The following ICAM4 variants were observed in gnomAD, a reference collection of about 807,000 sequenced individuals.
The protein encoded by ICAM4 is intercellular adhesion molecule 4.
In ICAM4, 16 loss-of-function variants were observed where a neutral mutation model predicts 18.8. The ratio of observed to expected loss-of-function variants is 0.85; its 90% CI spans 0.58 to 1.29. ICAM4 has a LOEUF of 1.29. ICAM4 is among the 50% of genes most tolerant of loss of function. The pLI is 0.00. For missense variants in ICAM4, 338 were observed against 364.3 expected (o/e 0.93, Z 0.59); for synonymous variants, 163 against 163.2 (o/e 1.00, Z 0.01).
At position 10,287,735 on chromosome 19, in the gene ICAM4, T is replaced by A; in HGVS notation, c.594T>A (p.Ala198=). Residue 198 remains alanine (A), a synonymous_variant, in exon 2 of 3, where the codon GCT becomes GCA. Transcript: ENST00000380770. The surrounding 1 kb of genome is among the most constrained non-coding windows in gnomAD (Gnocchi z 8.7). ...ACGTGACCTTGACCTACGAGTTTGC[T>A]GCTGGACCCCGCGACTTCTGGCAGC... ...LANVTLTYEF[A]AGPRDFWQPV... is the part of the protein sequence containing the mutation. 6.2e-7 allele frequency: 1 copy of A among 1,613,996 alleles called. No individual in the cohort carries two copies. The highest frequency in any genetic ancestry group is 8.5e-7 in the Non-Finnish European group (1 of 1,180,032).
rs755759895 is a variant in ICAM4, at chr19:10,287,566, C to G, written c.425C>G (p.Pro142Arg). The change falls in exon 2 of 3, where the codon CCG (proline) becomes CGG (arginine). Residue 142 changes from proline to arginine, a missense_variant. By Grantham distance (103) the Pro-to-Arg change is moderately radical (BLOSUM62 -2). Transcript: ENST00000380770. This position sits in a 1 kb window ranked among gnomAD's most constrained non-coding sequence, Gnocchi z 8.7. ...KPPHSVILEPPVLKGRKYTLR... is the reference protein window; with the variant it reads ...KPPHSVILEPRVLKGRKYTLR... ...CCCCACAGCGTGATTTTGGAGCCTCCGGTCTTAAAGGGCAGGAAATACACT... is the reference window on the plus strand; with the variant it reads ...CCCCACAGCGTGATTTTGGAGCCTCGGGTCTTAAAGGGCAGGAAATACACT... 3.2e-5 allele frequency: 51 copies of G among 1,613,634 alleles called. No homozygotes were observed. The highest frequency in any genetic ancestry group is 3.8e-5 in the Non-Finnish European group (45 of 1,179,774).
At position 10,288,416 on chromosome 19, in the gene ICAM4, C is replaced by A. The variant is rs2040140245; in HGVS notation, c.*312C>A. ...TGAGCCTTGATCGTGCCACTGCACT[C>A]CAGCCTGGGGGACAGAGCACGACCC... On this transcript the variant is annotated 3_prime_UTR_variant, in exon 3 of 3. Transcript: ENST00000380770. The A allele has an allele frequency of 1.9e-6, 1 of 536,788 alleles. No homozygotes were observed. The highest frequency in any genetic ancestry group is 3.1e-5 in the Admixed American group (1 of 31,938). 33.3% of individuals were successfully genotyped at this position (536,788 alleles called of 1,614,324 possible).
In ICAM4 at chr19:10,287,318, C is replaced by T; in HGVS notation, c.306C>T (p.Leu102=). ...RGPGWVSYQL[L]DVRAWSSLAH... ...CGGGTTGGGTGTCTTACCAGCTGCTCGACGTGAGGGCCTGGAGCTCCCTCG... is the reference window on the plus strand; with the variant it reads ...CGGGTTGGGTGTCTTACCAGCTGCTTGACGTGAGGGCCTGGAGCTCCCTCG... The change falls in exon 1 of 3, where the codon CTC becomes CTT. Residue 102 remains leucine, a synonymous_variant. Coordinates refer to ENST00000380770, the MANE Select transcript of ICAM4 (RefSeq NM_001544.5). This position sits in a 1 kb window ranked among gnomAD's most constrained non-coding sequence, Gnocchi z 8.7. 6.2e-7 allele frequency: 1 copy of T among 1,613,602 alleles called. No homozygotes were observed. The highest frequency in any genetic ancestry group is 8.5e-7 in the Non-Finnish European group (1 of 1,179,966).
In ICAM4 at chr19:10,288,108, G is replaced by C. The variant is rs758686500; in HGVS notation, c.*4G>C. On this transcript the variant is annotated 3_prime_UTR_variant, in exon 3 of 3. Coordinates refer to ENST00000380770, the MANE Select transcript of ICAM4 (RefSeq NM_001544.5). ...AGCTATGAAGTCCCAGGCGTAAAGG[G>C]GGATGTTCTATGCCGGCTGAGCGAG... 2 of 1,614,162 alleles carry C rather than the reference G, an allele frequency of 1.2e-6. No individual in the cohort carries two copies. Among genetic ancestry groups the C allele is most frequent in the East Asian group, 2.2e-5 (1 of 44,884 alleles).
In ICAM4 at chr19:10,287,484, G is replaced by T. The variant is rs951211455; in HGVS notation, c.395-52G>T. 2 of 1,593,802 alleles carry T rather than the reference G, an allele frequency of 1.3e-6. No homozygotes were observed. The highest frequency in any genetic ancestry group is 1.7e-6 in the Non-Finnish European group (2 of 1,168,516). ...GGTGGGGGAAGGGTAGTTGACAGTC[G>T]CTCTATAGGGAGCGCCCGCGGACCT... On this transcript the variant is annotated intron_variant, in intron 1 of 2. Coordinates refer to ENST00000380770, the MANE Select transcript of ICAM4 (RefSeq NM_001544.5). The surrounding 1 kb of genome is among the most constrained non-coding windows in gnomAD (Gnocchi z 8.7).
Position 10,287,224 on chromosome 19 carries a change from A to G in ICAM4, c.212A>G (p.Asn71Ser). ...AAGTCAGTGCAGCTCAATTGCAGCA[A>G]CAGCTGTCCCCAGCCGCAGAATTCC... The part of the protein sequence containing the change: ...PGKSVQLNCS[N>S]SCPQPQNSSL... Residue 71 changes from asparagine to serine, a missense_variant, in exon 1 of 3, where the codon AAC becomes AGC. Asn to Ser is a conservative substitution (Grantham distance 46, BLOSUM62 1). Transcript: ENST00000380770. The surrounding 1 kb of genome is among the most constrained non-coding windows in gnomAD (Gnocchi z 8.7). The G allele has an allele frequency of 1.2e-6, 2 of 1,613,254 alleles. No homozygotes were observed. The highest frequency in any genetic ancestry group is 1.7e-6 in the Non-Finnish European group (2 of 1,179,904).
chr19:10,287,032 T>A lies in ICAM4; in HGVS notation c.20T>A (p.Leu7Gln), dbSNP rs748835807. ...TTTGCCATGGGGTCTCTGTTCCCTC[T>A]GTCGCTGCTGTTTTTTTTGGCGGCC... MGSLFPLSLLFFLAAAY... is the reference protein window; with the variant it reads MGSLFPQSLLFFLAAAY... The change falls in exon 1 of 3, where the codon CTG becomes CAG. Residue 7 changes from leucine (L) to glutamine (Q), a missense_variant. Leu to Gln is a moderately radical substitution (Grantham distance 113, BLOSUM62 -2). Transcript: ENST00000380770. This position sits in a 1 kb window ranked among gnomAD's most constrained non-coding sequence, Gnocchi z 8.7. 1.3e-6 allele frequency: 2 copies of A among 1,553,968 alleles called. No individual in the cohort carries two copies. Among genetic ancestry groups the A allele is most frequent in the Non-Finnish European group, 1.7e-6 (2 of 1,149,922 alleles).
chr19:10,287,767 T>C lies in ICAM4; in HGVS notation c.626T>C (p.Ile209Thr). The C allele has an allele frequency of 1.2e-6, 2 of 1,613,782 alleles. No homozygotes were observed. The highest frequency in any genetic ancestry group is 1.7e-6 in the Non-Finnish European group (2 of 1,180,034). Residue 209 changes from isoleucine to threonine, a missense_variant, in exon 2 of 3, where the codon ATC (isoleucine) becomes ACC (threonine). Transcript: ENST00000380770. This position sits in a 1 kb window ranked among gnomAD's most constrained non-coding sequence, Gnocchi z 8.7. ...CCCCGCGACTTCTGGCAGCCCGTGA[T>C]CTGCCACGCGCGCCTCAATCTCGAC... Reference protein sequence around the residue: ...AGPRDFWQPVICHARLNLDGL... With the variant: ...AGPRDFWQPVTCHARLNLDGL...
In ICAM4 at chr19:10,287,430, G is replaced by A. The variant is rs145682448; in HGVS notation, c.394+24G>A. On this transcript the variant is annotated intron_variant, in intron 1 of 2. Transcript: ENST00000380770. The surrounding 1 kb of genome is among the most constrained non-coding windows in gnomAD (Gnocchi z 8.7). ...CAGTGAGGGACAGGGGCTCGGTCCC[G>A]GCTGGGGTGAGGGGAGGGGGCTGGA... 767 of 1,592,204 alleles carry A rather than the reference G, an allele frequency of 4.8e-4. 11 individuals are homozygous for A. The East Asian group carries it at 0.016, about 34-fold the overall frequency.
rs375791254 is a variant in ICAM4, at chr19:10,288,121, C to A, written c.*17C>A. 1 of 1,613,988 alleles carries A rather than the reference C, an allele frequency of 6.2e-7. No homozygotes were observed. Among genetic ancestry groups the A allele is most frequent in the Non-Finnish European group, 8.5e-7 (1 of 1,180,040 alleles). On this transcript the variant is annotated 3_prime_UTR_variant, in exon 3 of 3. Coordinates refer to ENST00000380770, the MANE Select transcript of ICAM4 (RefSeq NM_001544.5). ...CAGGCGTAAAGGGGGATGTTCTATG[C>A]CGGCTGAGCGAGAAAAAGAGGAATA...
rs1328526877 is a variant in ICAM4, at chr19:10,288,481, C to T, written c.*377C>T. On this transcript the variant is annotated 3_prime_UTR_variant, in exon 3 of 3. Transcript: ENST00000380770. ...AAATAAAAATAAAAATAAATATTGG[C>T]GGGGGAACCCTCTGGAATCAATAAA... 5.8e-6 allele frequency: 2 copies of T among 345,246 alleles called. No individual in the cohort carries two copies. Among genetic ancestry groups the T allele is most frequent in the Non-Finnish European group, 1.1e-5 (2 of 183,460 alleles). 21.4% of individuals were successfully genotyped at this position (345,246 alleles called of 1,614,324 possible). A position where few individuals can be genotyped will look rare whatever the true frequency, so the allele number is the denominator to read the frequency against.
Position 10,287,806 on chromosome 19 carries a change from G to T in ICAM4, c.665G>T (p.Arg222Leu), listed in dbSNP as rs2040131264. ...CTCAATCTCGACGGCCTGGTGGTCC[G>T]CAACAGCTCGGCACCCATTACACTG... ...ARLNLDGLVV[R>L]NSSAPITLML... is the part of the protein sequence containing the mutation. Residue 222 changes from arginine (R) to leucine (L), a missense_variant, in exon 2 of 3, where the codon CGC becomes CTC. Coordinates refer to ENST00000380770, the MANE Select transcript of ICAM4 (RefSeq NM_001544.5). This position sits in a 1 kb window ranked among gnomAD's most constrained non-coding sequence, Gnocchi z 8.7. The T allele has an allele frequency of 6.2e-7, 1 of 1,612,596 alleles. No homozygotes were observed. Among genetic ancestry groups the T allele is most frequent in the East Asian group, 2.2e-5 (1 of 44,884 alleles).
Position 10,288,059 on chromosome 19 carries a change from C to T in ICAM4, c.771C>T (p.Gly257=), listed in dbSNP as rs775968659. ...AALVGILLTV[G]AAYLCKCLAM... ...TTGTAGGGATCCTCCTCACTGTGGG[C>T]GCTGCGTACCTATGCAAGTGCCTAG... The change falls in exon 3 of 3, where the codon GGC becomes GGT. Residue 257 remains glycine, a synonymous_variant. Transcript: ENST00000380770. 6.8e-6 allele frequency: 11 copies of T among 1,614,002 alleles called. No individual in the cohort carries two copies. The highest frequency in any genetic ancestry group is 1.3e-5 in the African/African-American group (1 of 74,912).
chr19:10,288,433 G>A lies in ICAM4; in HGVS notation c.*329G>A, dbSNP rs56057687. 4.2e-5 allele frequency: 21 copies of A among 501,880 alleles called. 2 individuals are homozygous for A. The South Asian group carries it at 5.0e-4, about 12-fold the overall frequency. The allele number at this position is 501,880 out of a possible 1,614,324, so 31.1% of individuals were successfully genotyped here. A position where few individuals can be genotyped will look rare whatever the true frequency, so the allele number is the denominator to read the frequency against. On this transcript the variant is annotated 3_prime_UTR_variant, in exon 3 of 3. Transcript: ENST00000380770. The stretch of plus-strand genomic sequence containing the variant: ...ACTGCACTCCAGCCTGGGGGACAGA[G>A]CACGACCCTGTCTCCAAAAATAAAA...
rs887112332 is a variant in ICAM4, at chr19:10,288,466, A to G, written c.*362A>G. On this transcript the variant is annotated 3_prime_UTR_variant, in exon 3 of 3. Coordinates refer to ENST00000380770, the MANE Select transcript of ICAM4 (RefSeq NM_001544.5). ...CTGTCTCCAAAAATAAAATAAAAAT[A>G]AAAATAAATATTGGCGGGGGAACCC... 3 of 381,768 alleles carry G rather than the reference A, an allele frequency of 7.9e-6. No individual in the cohort carries two copies. Among genetic ancestry groups the G allele is most frequent in the African/African-American group, 6.1e-5 (3 of 48,892 alleles). 23.6% of individuals were successfully genotyped at this position (381,768 alleles called of 1,614,324 possible). A position where few individuals can be genotyped will look rare whatever the true frequency, so the allele number is the denominator to read the frequency against.
In ICAM4 at chr19:10,288,412, C is replaced by G. The variant is rs914282644; in HGVS notation, c.*308C>G. The G allele has an allele frequency of 1.7e-5, 9 of 541,522 alleles. No homozygotes were observed. The African/African-American group carries it at 1.7e-4, about 10-fold the overall frequency. The allele number at this position is 541,522 out of a possible 1,614,324, so 33.5% of individuals were successfully genotyped here. ...GCAGTGAGCCTTGATCGTGCCACTG[C>G]ACTCCAGCCTGGGGGACAGAGCACG... is the stretch of plus-strand genomic sequence containing the variant. On this transcript the variant is annotated 3_prime_UTR_variant, in exon 3 of 3. Transcript: ENST00000380770.
chr19:10,287,930 CGCG>C lies in ICAM4; in HGVS notation c.698-54_698-52del. The C allele has an allele frequency of 6.2e-7, 1 of 1,611,450 alleles. No homozygotes were observed. The highest frequency in any genetic ancestry group is 8.5e-7 in the Non-Finnish European group (1 of 1,178,740). On this transcript the variant is annotated intron_variant, in intron 2 of 2. Transcript: ENST00000380770. The surrounding 1 kb of genome is among the most constrained non-coding windows in gnomAD (Gnocchi z 8.7). The stretch of plus-strand genomic sequence containing the variant: ...GCGCACAGACCAAGCGTGAGCTCCA[CGCG>C]GGTCGACAGACCTCCCTGTGTTCCG...
Position 10,288,306 on chromosome 19 carries a change from G to A in ICAM4, c.*202G>A, listed in dbSNP as rs2040139120. ...ATGCAAAAAATACACAAATTAGCCT[G>A]GTGTGGTGGCCCGCACCTGTGGTCC... On this transcript the variant is annotated 3_prime_UTR_variant, in exon 3 of 3. Coordinates refer to ENST00000380770, the MANE Select transcript of ICAM4 (RefSeq NM_001544.5). The A allele has an allele frequency of 3.8e-6, 3 of 787,092 alleles. No individual in the cohort carries two copies. The highest frequency in any genetic ancestry group is 6.2e-6 in the Non-Finnish European group (3 of 481,958). 48.8% of individuals were successfully genotyped at this position (787,092 alleles called of 1,614,324 possible).
rs767071656 is a variant in ICAM4, at chr19:10,288,160, G to C, written c.*56G>C. On this transcript the variant is annotated 3_prime_UTR_variant, in exon 3 of 3. Transcript: ENST00000380770. ...AAAAGAGGAATATGAAACAATCTGG[G>C]GAAATGGCCATACATGGTGGCTGAC... The C allele has an allele frequency of 6.2e-7, 1 of 1,613,790 alleles. No individual in the cohort carries two copies. The highest frequency in any genetic ancestry group is 8.5e-7 in the Non-Finnish European group (1 of 1,179,960).
Sources: allele counts gnomAD v4.1 joint callset, GRCh38; gene constraint gnomAD v4.1.1; non-coding constraint Gnocchi (gnomAD v3.1); transcripts MANE v1.5; gene names NCBI Gene and HGNC (gene_info 2026-07-23, HGNC 2026-07-21).